Variants in CNTNAP5 observed in about 807,000 individuals in gnomAD.
CNTNAP5 encodes the protein contactin associated protein family member 5.
A neutral mutation model predicts 150.2 loss-of-function variants in CNTNAP5; 72 were observed. That is an observed-to-expected ratio of 0.48 (90% CI 0.40 to 0.58). CNTNAP5 has a LOEUF of 0.58. CNTNAP5 is among the 20% of genes least tolerant of loss of function. CNTNAP5 has a pLI of 0.00. For missense variants in CNTNAP5, 1,636 were observed against 1,626.2 expected, an observed-to-expected ratio of 1.01 and a Z score of -0.10; for synonymous variants, 672 against 619.8, an observed-to-expected ratio of 1.08 and a Z score of -1.25.
chr2:124,318,616 G>A (rs149271927), intron 3 of CNTNAP5, among the ~76,000 whole-genome samples: 2 of 152,168 alleles, frequency 1.3e-5, no homozygotes, highest in Admixed American at 6.5e-5. Flanking sequence ...AGCACTTAGA[G>A]TTTCCCTTTA....
At chr2:124,634,451 A>G (rs1677930069) in intron 12 of CNTNAP5, among the ~76,000 whole-genome samples, 1 of 152,052 alleles carries the variant, frequency 6.6e-6, no homozygotes, top group Non-Finnish European at 1.5e-5. Context: ...CCAGTTCCTA[A>G]TAAGTTTCTT....
intron 10 of CNTNAP5, among the ~76,000 whole-genome samples, chr2:124,557,400 G>A (rs1045184547): frequency 2.6e-5 from 4 of 152,134 alleles, no homozygotes; most frequent in Middle Eastern, 3.2e-3. Context: ...TGCTGCTCAA[G>A]AGCGTGCAGG....
chr2:124,297,638 G>C (rs1451974534), intron 3 of CNTNAP5, among the ~76,000 whole-genome samples: 1 of 151,502 alleles, frequency 6.6e-6, no homozygotes, highest in East Asian at 1.9e-4. Flanking sequence ...CTGATTTGCA[G>C]CTTCTTCCCT....
intron 3 of CNTNAP5, among the ~76,000 whole-genome samples, chr2:124,324,453 C>T (rs148459620): frequency 0.03 from 4,622 of 152,114 alleles, 105 homozygotes; most frequent in Non-Finnish European, 0.044. Flanking sequence ...AGAATGATAA[C>T]GAAAGGGAGT....
At chr2:124,265,910 CA>C (rs1375894354) in intron 3 of CNTNAP5, among the ~76,000 whole-genome samples, 2 of 152,078 alleles carry the variant, frequency 1.3e-5, no homozygotes, top group Non-Finnish European at 1.5e-5. Context: ...TCAGTAGCCA[CA>C]AGGGGACAAA....
intron 3 of CNTNAP5, among the ~76,000 whole-genome samples, chr2:124,252,197 A>C (rs1234031405): frequency 6.6e-6 from 1 of 152,110 alleles, no homozygotes; most frequent in African/African-American, 2.4e-5. Context: ...AGAATTTAAG[A>C]ATGTATGTGT....
chr2:124,792,752 G>C (rs979736599), intron 18 of CNTNAP5, among the ~76,000 whole-genome samples: 1 of 152,122 alleles, frequency 6.6e-6, no homozygotes, highest in Non-Finnish European at 1.5e-5. Context: ...CCCATCCTGA[G>C]CCTTTCATAT....
At chr2:124,401,016 C>T (rs1691409457) in intron 3 of CNTNAP5, among the ~76,000 whole-genome samples, 1 of 152,112 alleles carries the variant, frequency 6.6e-6, no homozygotes, top group African/African-American at 2.4e-5. Flanking sequence ...AGATTACAGA[C>T]ACGTGCCACC....
intron 3 of CNTNAP5, among the ~76,000 whole-genome samples, chr2:124,329,005 G>T (rs917434034): frequency 6.6e-6 from 1 of 152,142 alleles, no homozygotes; most frequent in Non-Finnish European, 1.5e-5. Flanking sequence ...ATAGGACTTC[G>T]TAGGCAAGAA....
rs1558826078 is a variant in CNTNAP5 at position 124,917,317 on chromosome 2, A to T, written c.*3029A>T. On this transcript the variant is annotated 3_prime_UTR_variant, in exon 24 of 24. Coordinates refer to ENST00000682447, the MANE Select transcript of CNTNAP5 (RefSeq NM_001367498.1). The stretch of plus-strand genomic sequence containing the variant: ...ACATTTTAATGGAGCTGTTTCATTG[A>T]TATTTTTTTCCACCAAACAAATCTA... 6.6e-6 allele frequency among the ~76,000 whole-genome samples: 1 copy of T among 152,050 alleles called. No homozygotes were observed. Among genetic ancestry groups the T allele is most frequent in the Non-Finnish European group, 1.5e-5 (1 of 67,984 alleles).
At chr2:124,149,887 CT>C (rs758629203) in intron 1 of CNTNAP5, among the ~76,000 whole-genome samples, 18 of 152,326 alleles carry the variant, frequency 1.2e-4, no homozygotes, top group Admixed American at 5.9e-4. Flanking sequence ...GTTCTTCACC[CT>C]CTCAGACCAT....
At chr2:124,689,137 A>C (rs374232377) in intron 13 of CNTNAP5, among the ~76,000 whole-genome samples, 12 of 152,136 alleles carry the variant, frequency 7.9e-5, no homozygotes, top group Non-Finnish European at 1.3e-4. Context: ...CACCACGCCC[A>C]GCTCAGTAGA....
At chr2:124,876,754 C>T (rs1425103482) in intron 21 of CNTNAP5, among the ~76,000 whole-genome samples, 1 of 152,048 alleles carries the variant, frequency 6.6e-6, no homozygotes, top group African/African-American at 2.4e-5. Flanking sequence ...AATCTCCAAA[C>T]CACAGCCTTT....
At chr2:124,213,338 A>G (rs1229899421) in intron 1 of CNTNAP5, among the ~76,000 whole-genome samples, 1 of 152,238 alleles carries the variant, frequency 6.6e-6, no homozygotes, top group African/African-American at 2.4e-5. Flanking sequence ...TGCAAAAATC[A>G]TAACATAATA....
intron 3 of CNTNAP5, among the ~76,000 whole-genome samples, chr2:124,373,642 C>A (rs1032069963): frequency 6.6e-6 from 1 of 151,236 alleles, no homozygotes; most frequent in Non-Finnish European, 1.5e-5. Flanking sequence ...TTGAGGTTTT[C>A]AAAAAAGTAA....
intron 7 of CNTNAP5, among the ~76,000 whole-genome samples, chr2:124,481,316 A>G (rs1214483935): frequency 6.6e-6 from 1 of 152,232 alleles, no homozygotes; most frequent in East Asian, 1.9e-4. Flanking sequence ...TATGAATTTC[A>G]GGAAGGGGAG....
chr2:124,612,905 T>C (rs1043076396), intron 12 of CNTNAP5, among the ~76,000 whole-genome samples: 2 of 151,864 alleles, frequency 1.3e-5, no homozygotes, highest in Non-Finnish European at 2.9e-5. Flanking sequence ...ATACAAAAAT[T>C]AGCCAGGTAT....
At chr2:124,742,111 G>A (rs928471709) in intron 13 of CNTNAP5, among the ~76,000 whole-genome samples, 1 of 152,160 alleles carries the variant, frequency 6.6e-6, no homozygotes, top group Non-Finnish European at 1.5e-5. Context: ...GATTAAGAGG[G>A]GAAGAGGCTC....
chr2:124,217,302 A>G (rs1686183624), intron 1 of CNTNAP5, among the ~76,000 whole-genome samples: 3 of 152,164 alleles, frequency 2.0e-5, no homozygotes, highest in Admixed American at 2.0e-4. Flanking sequence ...TACATTAAAC[A>G]CTAATGAATA....
Sources: allele counts gnomAD v4.1 joint callset (sites outside exome capture counted in the v4.1 genomes callset), GRCh38; gene constraint gnomAD v4.1.1; transcripts MANE v1.5; gene names NCBI Gene and HGNC (gene_info 2026-07-23, HGNC 2026-07-21).